SCRG1: variants seen among roughly 807,000 people sequenced by gnomAD.
SCRG1 encodes the protein scrapie-responsive protein 1.
Under a neutral mutation model 7.7 loss-of-function variants are expected in SCRG1, and 3 were observed. The ratio of observed to expected loss-of-function variants is 0.39; its 90% confidence interval spans 0.18 to 1.01. The LOEUF (loss-of-function observed/expected upper bound fraction) is 1.01, where lower values mean the gene tolerates loss of function less well. SCRG1 is among the 50% of genes least tolerant of loss of function. The pLI, the probability that SCRG1 is intolerant of heterozygous loss-of-function variation, is 0.36. For missense variants in SCRG1, 110 were observed against 117.2 expected (o/e 0.94, Z 0.28); for synonymous variants, 46 against 41.2 (o/e 1.12, Z -0.44).
At chr4:173,475,037 C>T in the SCRG1 span, among the ~76,000 whole-genome samples, 185 of 151,426 alleles carry the variant, frequency 1.2e-3, no homozygotes, top group African/African-American at 4.1e-3. Flanking sequence ...ATTTTGAAAT[C>T]TCTCTCTCTT....
At chr4:173,418,678 A>C in the SCRG1 span, among the ~76,000 whole-genome samples, 2 of 152,152 alleles carry the variant, frequency 1.3e-5, no homozygotes, top group African/African-American at 2.4e-5. Context: ...CCCAAATCTC[A>C]TGTCAAATTG....
At chr4:173,405,742 T>C (rs1243408260) in intron 1 of SCRG1, among the ~76,000 whole-genome samples, 1 of 152,216 alleles carries the variant, frequency 6.6e-6, no homozygotes, top group Non-Finnish European at 1.5e-5. Context: ...CTCTATGGCA[T>C]GCCCCATCAA....
At chr4:173,483,831 A>ATATATGATATATG in the SCRG1 span, among the ~76,000 whole-genome samples, 1 of 15,464 alleles carries the variant, frequency 6.5e-5, no homozygotes, top group Non-Finnish European at 1.7e-4. Context: ...TAATATATAT[A>ATATATGATATATG]ATATATAATA....
chr4:173,425,132 T>C, the SCRG1 span, among the ~76,000 whole-genome samples: 3 of 152,216 alleles, frequency 2.0e-5, no homozygotes, highest in Non-Finnish European at 4.4e-5. Context: ...AATACTTTCA[T>C]GGTTCTGTAA....
chr4:173,459,691 G>A, the SCRG1 span, among the ~76,000 whole-genome samples: 1 of 152,134 alleles, frequency 6.6e-6, no homozygotes, highest in Non-Finnish European at 1.5e-5. Flanking sequence ...CCTAATGTAG[G>A]AGCTAAGAAA....
the SCRG1 span, among the ~76,000 whole-genome samples, chr4:173,420,370 T>C: frequency 6.6e-6 from 1 of 152,250 alleles, no homozygotes; most frequent in Non-Finnish European, 1.5e-5. Context: ...TTGTGTGTTT[T>C]GTTTACTGCA....
chr4:173,489,912 T>G, the SCRG1 span, among the ~76,000 whole-genome samples: 12 of 152,312 alleles, frequency 7.9e-5, no homozygotes, highest in African/African-American at 2.4e-4. Flanking sequence ...TTCCATCTAC[T>G]AACAATTCCC....
chr4:173,497,570 C>G, the SCRG1 span, among the ~76,000 whole-genome samples: 1 of 149,934 alleles, frequency 6.7e-6, no homozygotes, highest in Non-Finnish European at 1.5e-5. Flanking sequence ...GAGGAAGTGC[C>G]CTAGACTTAA....
intron 2 of SCRG1, among the ~76,000 whole-genome samples, chr4:173,389,405 G>A (rs974313146): frequency 2.0e-5 from 3 of 152,024 alleles, no homozygotes; most frequent in Admixed American, 6.6e-5. Context: ...GCGAGGTGGC[G>A]GGCGCCTGTA....
chr4:173,402,216 T>G (rs1226166620), upstream of SCRG1, among the ~76,000 whole-genome samples: 1 of 152,170 alleles, frequency 6.6e-6, no homozygotes. Context: ...AGAAAATATG[T>G]CCAGCTATGT....
the SCRG1 span, among the ~76,000 whole-genome samples, chr4:173,451,634 T>TTTTATTTATTTA: frequency 1.3e-3 from 28 of 21,230 alleles, no homozygotes; most frequent in African/African-American, 2.0e-3. Context: ...TACTTACTTA[T>TTTTATTTATTTA]TTTATTTATT....
chr4:173,446,207 A>G, the SCRG1 span, among the ~76,000 whole-genome samples: 1 of 152,218 alleles, frequency 6.6e-6, no homozygotes, highest in Non-Finnish European at 1.5e-5. Context: ...CAACATAAGC[A>G]TTAAGTTTCA....
At chr4:173,494,904 A>G in the SCRG1 span, among the ~76,000 whole-genome samples, 1 of 152,228 alleles carries the variant, frequency 6.6e-6, no homozygotes, top group Admixed American at 6.5e-5. Flanking sequence ...GCTCGTTTCT[A>G]TCAACCACCT....
the SCRG1 span, among the ~76,000 whole-genome samples, chr4:173,426,249 C>T: frequency 6.6e-6 from 1 of 152,144 alleles, no homozygotes; most frequent in Non-Finnish European, 1.5e-5. Context: ...AGCCACAAAC[C>T]CCAATGTGCC....
chr4:173,439,515 A>T, the SCRG1 span, among the ~76,000 whole-genome samples: 1 of 1,042 alleles, frequency 9.6e-4, no homozygotes, highest in African/African-American at 1.0e-3. Context: ...ACCCTGTTTA[A>T]AAAAAAAAAA....
At chr4:173,391,895 G>A (rs1206610367) in intron 1 of SCRG1, among the ~76,000 whole-genome samples, 1 of 152,198 alleles carries the variant, frequency 6.6e-6, no homozygotes, top group Non-Finnish European at 1.5e-5. Context: ...GGGTGGCAGA[G>A]TGAGACCTTG....
chr4:173,508,627 C>T, the SCRG1 span, among the ~76,000 whole-genome samples: 2 of 152,150 alleles, frequency 1.3e-5, no homozygotes, highest in African/African-American at 2.4e-5. This position sits in a 1 kb window ranked among gnomAD's most constrained non-coding sequence, Gnocchi z 4.4. Flanking sequence ...GGGCAGGGGC[C>T]CCCTGAAAGG....
chr4:173,507,272 C>T, the SCRG1 span, among the ~76,000 whole-genome samples: 13 of 152,176 alleles, frequency 8.5e-5, no homozygotes, highest in African/African-American at 3.1e-4. The surrounding 1 kb of genome is among the most constrained non-coding windows in gnomAD (Gnocchi z 4.4). Flanking sequence ...TGAAGTGTCT[C>T]GATGTCGGCT....
the SCRG1 span, among the ~76,000 whole-genome samples, chr4:173,505,643 C>T: frequency 6.6e-6 from 1 of 152,080 alleles, no homozygotes; most frequent in Non-Finnish European, 1.5e-5. The surrounding 1 kb of genome is among the most constrained non-coding windows in gnomAD (Gnocchi z 4.4). Context: ...CCTAGGTTTG[C>T]CTGTTCTATC....
Sources: gnomAD v4.1 joint callset for allele counts (sites outside exome capture counted in the v4.1 genomes callset) on GRCh38, gnomAD v4.1.1 for gene constraint, Gnocchi (gnomAD v3.1) non-coding constraint, MANE v1.5 for transcripts, NCBI Gene and HGNC (gene_info 2026-07-23, HGNC 2026-07-21) for gene names.